The following PTPN3 variants were observed in gnomAD, a reference collection of about 807,000 sequenced individuals.
PTPN3 encodes the protein protein tyrosine phosphatase non-receptor type 3.
In PTPN3, 96 loss-of-function variants were observed where a neutral mutation model predicts 132.7. The observed-to-expected ratio is 0.72, with a 90% CI of 0.61 to 0.86. PTPN3 has a LOEUF of 0.86. Ranked by LOEUF, PTPN3 falls within the 40% of genes least tolerant of loss-of-function variation. The pLI, the probability that PTPN3 is intolerant of heterozygous loss-of-function variation, is 0.00. For missense variants in PTPN3, 1,125 were observed against 1,159.6 expected, an observed-to-expected ratio of 0.97 and a Z score of 0.43; for synonymous variants, 398 against 429.0, an observed-to-expected ratio of 0.93 and a Z score of 0.89.
In PTPN3 at chr9:109,482,174, TCTGA is replaced by T. The variant is rs1846992244; in HGVS notation, c.-18+16041_-18+16044del. Among the ~76,000 whole-genome samples, 3 of 152,388 alleles carry T rather than the reference TCTGA, an allele frequency of 2.0e-5. No individual in the cohort carries two copies. The South Asian group carries it at 6.2e-4, about 32-fold the overall frequency. On this transcript the variant is annotated intron_variant, in intron 1 of 25. Transcript: ENST00000374541. Reference sequence around the variant, plus strand: ...CCATTCCAATGGGGCTGGAAGGCAGTCTGACTAAGTAATTCCATTTCTAGGAACC... The same window carrying T: ...CCATTCCAATGGGGCTGGAAGGCAGTCTAAGTAATTCCATTTCTAGGAACC...
At chr9:109,490,545 C>T (rs1044143385) in intron 1 of PTPN3, among the ~76,000 whole-genome samples, 4 of 152,058 alleles carry the variant, frequency 2.6e-5, no homozygotes, top group African/African-American at 9.7e-5. Flanking sequence ...GGAGACCAGC[C>T]TGACCAACAC....
At chr9:109,462,225 G>A (rs927278840) in intron 2 of PTPN3, among the ~76,000 whole-genome samples, 1 of 152,186 alleles carries the variant, frequency 6.6e-6, no homozygotes, top group Non-Finnish European at 1.5e-5. Flanking sequence ...ACAGGGAGAC[G>A]TCTGCAGCCA....
intron 6 of PTPN3, among the ~76,000 whole-genome samples, chr9:109,448,187 G>C (rs1015426894): frequency 6.6e-6 from 1 of 152,148 alleles, no homozygotes; most frequent in Non-Finnish European, 1.5e-5. Flanking sequence ...CAGCACGCTG[G>C]TAACCTCTGA....
intron 21 of PTPN3, among the ~76,000 whole-genome samples, chr9:109,390,364 A>G (rs1366036889): frequency 1.3e-5 from 2 of 152,212 alleles, no homozygotes; most frequent in Non-Finnish European, 2.9e-5. Flanking sequence ...TCTGTGTGCC[A>G]CCTTGCAAAC....
chr9:109,500,636 A>AT, upstream of PTPN3, among the ~76,000 whole-genome samples: 1 of 151,494 alleles, frequency 6.6e-6, no homozygotes, highest in East Asian at 1.9e-4. Context: ...AAAAAAAAAA[A>AT]CCGCAGAAAA....
At chr9:109,450,174 T>G in intron 5 of PTPN3, 1 of 985,140 alleles carries the variant, frequency 1.0e-6, no homozygotes, top group Non-Finnish European at 1.2e-6. Context: ...TTGATTATAA[T>G]TAACTACCCA....
chr9:109,524,380 C>CGG, the PTPN3 span, among the ~76,000 whole-genome samples: 10,835 of 53,082 alleles, frequency 0.2, 3,956 homozygotes, highest in East Asian at 0.79. Flanking sequence ...CTATTATTCC[C>CGG]ATCTCACAGC....
the PTPN3 span, among the ~76,000 whole-genome samples, chr9:109,535,227 G>A: frequency 6.6e-6 from 1 of 152,198 alleles, no homozygotes; most frequent in Non-Finnish European, 1.5e-5. Flanking sequence ...AACATGATCA[G>A]GCAGGTATTT....
rs77977078 is a variant in PTPN3 at position 109,420,838 on chromosome 9, A to G, written c.1137-238T>C. ...AAACAGTAGCCTCAGCTGTATAAAC[A>G]GGCAGAATTAGATGGGTTTATGCCC... On this transcript the variant is annotated intron_variant, in intron 13 of 25. Coordinates refer to ENST00000374541, the MANE Select transcript of PTPN3 (RefSeq NM_002829.4). Among the ~76,000 whole-genome samples the G allele has an allele frequency of 3.4e-4, 52 of 152,306 alleles. 1 individual carries two copies. Among genetic ancestry groups the G allele is most frequent in the African/African-American group, 1.2e-3 (48 of 41,556 alleles).
In PTPN3 at chr9:109,436,965, A is replaced by G; in HGVS notation, c.593T>C (p.Leu198Pro). ...VESLHEQHSG[L>P]KQSEAESCYI... ...GCAGGATTCTGCTTCTGATTGTTTT[A>G]GCCCACTACGGAAGAAAAGACAAAA... is the stretch of plus-strand genomic sequence containing the variant. The change falls in exon 9 of 26, where the codon CTA (leucine) becomes CCA (proline). Residue 198 changes from leucine (L) to proline (P), a missense_variant. Physicochemically the swap from Leu to Pro is moderately conservative, Grantham distance 98. Transcript: ENST00000374541. 6.2e-7 allele frequency: 1 copy of G among 1,614,006 alleles called. No individual in the cohort carries two copies. Among genetic ancestry groups the G allele is most frequent in the Non-Finnish European group, 8.5e-7 (1 of 1,179,964 alleles).
chr9:109,439,883 T>C (rs1047698821), intron 7 of PTPN3, among the ~76,000 whole-genome samples: 11 of 150,550 alleles, frequency 7.3e-5, no homozygotes, highest in Non-Finnish European at 1.2e-4. Context: ...TACTCCAGCC[T>C]GGGTGACACA....
chr9:109,438,949 G>A (rs1187601783), intron 7 of PTPN3, among the ~76,000 whole-genome samples: 5 of 152,230 alleles, frequency 3.3e-5, no homozygotes, highest in Non-Finnish European at 5.9e-5. Context: ...TCACATTAGG[G>A]ACCTGCAGGT....
intron 6 of PTPN3, among the ~76,000 whole-genome samples, chr9:109,448,080 T>A (rs924723244): frequency 3.3e-5 from 5 of 152,210 alleles, no homozygotes; most frequent in African/African-American, 1.2e-4. Flanking sequence ...TTATGACAAC[T>A]GTTGTCTCTA....
chr9:109,444,261 G>A (rs1844694823), intron 7 of PTPN3, among the ~76,000 whole-genome samples: 1 of 152,178 alleles, frequency 6.6e-6, no homozygotes, highest in Admixed American at 6.5e-5. Flanking sequence ...CCACCACAAA[G>A]CTAGCTACTA....
At chr9:109,405,588 CATTG>C (rs754723764) in intron 18 of PTPN3, among the ~76,000 whole-genome samples, 40 of 152,262 alleles carry the variant, frequency 2.6e-4, no homozygotes, top group Non-Finnish European at 2.6e-4. Context: ...GTCTAAGTGC[CATTG>C]ATTGATTGAA....
chr9:109,481,083 T>A (rs1846938112), intron 1 of PTPN3, among the ~76,000 whole-genome samples: 1 of 152,136 alleles, frequency 6.6e-6, no homozygotes, highest in Non-Finnish European at 1.5e-5. Context: ...AACAACGGCA[T>A]TTACACACTC....
At chr9:109,417,598 T>A in intron 14 of PTPN3, 2 of 984,826 alleles carry the variant, frequency 2.0e-6, no homozygotes, top group Non-Finnish European at 2.4e-6. Flanking sequence ...CCTGGAGCAA[T>A]GGGGGTTCCC....
chr9:109,528,922 G>C, the PTPN3 span, among the ~76,000 whole-genome samples: 1 of 152,112 alleles, frequency 6.6e-6, no homozygotes, highest in Non-Finnish European at 1.5e-5. Context: ...CTTCTCTGAT[G>C]TTGGCTTTCC....
rs1296737725 is a variant in PTPN3, at chr9:109,450,600, G to C, written c.369-1745C>G. ...GAATAGTGGAACCCAACCCGAGCTT[G>C]GGAGACTTCCTAGGAATCTTGAAGG... On this transcript the variant is annotated intron_variant, in intron 5 of 25. Coordinates refer to ENST00000374541, the MANE Select transcript of PTPN3 (RefSeq NM_002829.4). 8.1e-6 allele frequency: 8 copies of C among 985,020 alleles called. No individual in the cohort carries two copies. The East Asian group carries it at 7.9e-4, about 98-fold the overall frequency. 61.0% of individuals were successfully genotyped at this position (985,020 alleles called of 1,614,324 possible). A position where few individuals can be genotyped will look rare whatever the true frequency, so the allele number is the denominator to read the frequency against.
Sources: allele counts gnomAD v4.1 joint callset (sites outside exome capture counted in the v4.1 genomes callset), GRCh38; gene constraint gnomAD v4.1.1; transcripts MANE v1.5; gene names NCBI Gene and HGNC (gene_info 2026-07-23, HGNC 2026-07-21).